MYLK4: variants seen among roughly 807,000 people sequenced by gnomAD.
The protein encoded by MYLK4 is myosin light chain kinase family member 4.
Under a neutral mutation model 48.1 loss-of-function variants are expected in MYLK4, and 46 were observed. The observed-to-expected ratio is 0.96, with a 90% CI of 0.75 to 1.22. MYLK4 has a LOEUF of 1.22. MYLK4 is among the 50% of genes most tolerant of loss of function. MYLK4 has a pLI of 0.00. For missense variants in MYLK4, 451 were observed against 486.1 expected, an observed-to-expected ratio of 0.93 and a Z score of 0.68; for synonymous variants, 170 against 180.8, an observed-to-expected ratio of 0.94 and a Z score of 0.48.
At chr6:2,690,954 G>C (rs996488908) in intron 3 of MYLK4, among the ~76,000 whole-genome samples, 17 of 150,442 alleles carry the variant, frequency 1.1e-4, no homozygotes, top group Non-Finnish European at 2.2e-4. Context: ...TCAGCCTCCC[G>C]AGTAGCTGGG....
At chr6:2,714,929 T>C (rs1762812699) in intron 2 of MYLK4, among the ~76,000 whole-genome samples, 1 of 152,162 alleles carries the variant, frequency 6.6e-6, no homozygotes. Context: ...GAACAGTGGT[T>C]GCCAGGGGCT....
At chr6:2,762,972 T>TA in the MYLK4 span, among the ~76,000 whole-genome samples, 1 of 151,952 alleles carries the variant, frequency 6.6e-6, no homozygotes, top group Non-Finnish European at 1.5e-5. Flanking sequence ...ATGCAAAAAA[T>TA]AAAAGAACAA....
intron 2 of MYLK4, among the ~76,000 whole-genome samples, chr6:2,719,380 G>A (rs561940088): frequency 3.3e-5 from 5 of 152,250 alleles, no homozygotes; most frequent in African/African-American, 7.2e-5. Flanking sequence ...CCCAACACAT[G>A]CACACAAACA....
intron 2 of MYLK4, among the ~76,000 whole-genome samples, chr6:2,728,020 G>A (rs1171855474): frequency 3.3e-5 from 5 of 151,380 alleles, no homozygotes; most frequent in African/African-American, 1.2e-4. Flanking sequence ...CTTATTTAAT[G>A]CTCACCTCAA....
At chr6:2,684,107 T>C (rs966710) in intron 6 of MYLK4, among the ~76,000 whole-genome samples, 50,844 of 152,070 alleles carry the variant, frequency 0.33, 8,676 homozygotes, top group East Asian at 0.48. Flanking sequence ...AGAACAATTA[T>C]AACAACACGC....
chr6:2,760,596 C>T, the MYLK4 span, among the ~76,000 whole-genome samples: 1 of 152,254 alleles, frequency 6.6e-6, no homozygotes, highest in South Asian at 2.1e-4. Context: ...GGAAATCCCA[C>T]GGGATTCTGA....
chr6:2,667,828 A>AG lies in MYLK4; in HGVS notation c.*96dup, dbSNP rs1377673189. 2.6e-5 allele frequency: 4 copies of AG among 152,658 alleles called. No individual in the cohort carries two copies. The highest frequency in any genetic ancestry group is 9.6e-5 in the African/African-American group (4 of 41,464). 9.5% of individuals were successfully genotyped at this position (152,658 alleles called of 1,614,324 possible). ...CCTGCTAAGACTACCAGGTCATCACAGGGGTCAAGGCATCAGAACTGCTGA... is the reference window on the plus strand; with the variant it reads ...CCTGCTAAGACTACCAGGTCATCACAGGGGGTCAAGGCATCAGAACTGCTGA... On this transcript the variant is annotated 3_prime_UTR_variant, in exon 13 of 13. Coordinates refer to ENST00000274643, the MANE Select transcript of MYLK4 (RefSeq NM_001012418.5).
the MYLK4 span, chr6:2,766,222 C>T: frequency 4.0e-6 from 6 of 1,490,018 alleles, no homozygotes; most frequent in Non-Finnish European, 5.4e-6. Flanking sequence ...CCACCGCCTT[C>T]GGGGCCAGTG....
rs530354144 is a variant in MYLK4 at position 2,693,209 on chromosome 6, G to A, written c.160-350C>T. Among the ~76,000 whole-genome samples, 165 of 152,326 alleles carry A rather than the reference G, an allele frequency of 1.1e-3. 1 individual carries two copies. The highest frequency in any genetic ancestry group is 3.7e-3 in the African/African-American group (155 of 41,556). On this transcript the variant is annotated intron_variant, in intron 2 of 12. Transcript: ENST00000274643. Reference sequence around the variant, plus strand: ...TTAATGAAAGCCTGTATAGACTACAGTATCTGAAATGAGCTCACTATTTTC... The same window carrying A: ...TTAATGAAAGCCTGTATAGACTACAATATCTGAAATGAGCTCACTATTTTC...
At chr6:2,720,945 G>C (rs1243490635) in intron 2 of MYLK4, among the ~76,000 whole-genome samples, 1 of 151,996 alleles carries the variant, frequency 6.6e-6, no homozygotes, top group African/African-American at 2.4e-5. Flanking sequence ...GGTGGATCAC[G>C]AGGTCAGGAG....
the MYLK4 span, among the ~76,000 whole-genome samples, chr6:2,762,339 AG>A: frequency 6.6e-6 from 1 of 152,230 alleles, no homozygotes; most frequent in African/African-American, 2.4e-5. Context: ...ACACGTCCTA[AG>A]AGACTTAAGG....
chr6:2,726,605 ATTTTTTTT>A (rs70995390), intron 2 of MYLK4, among the ~76,000 whole-genome samples: 4 of 118,280 alleles, frequency 3.4e-5, no homozygotes, highest in Non-Finnish European at 5.3e-5. Flanking sequence ...CTACTATACA[ATTTTTTTT>A]TTTTTTTTTT....
intron 2 of MYLK4, among the ~76,000 whole-genome samples, chr6:2,709,698 C>T (rs17135530): frequency 0.033 from 5,050 of 152,288 alleles, 214 homozygotes; most frequent in East Asian, 0.24. Flanking sequence ...GAACAATTGC[C>T]CTAGGGTTAG....
At chr6:2,760,701 C>T in the MYLK4 span, among the ~76,000 whole-genome samples, 2 of 151,938 alleles carry the variant, frequency 1.3e-5, no homozygotes, top group African/African-American at 4.8e-5. Context: ...TAAGAGTTCA[C>T]AAAAAGGCCA....
chr6:2,715,060 T>G (rs2113264600), intron 2 of MYLK4, among the ~76,000 whole-genome samples: 1 of 151,754 alleles, frequency 6.6e-6, no homozygotes, highest in African/African-American at 2.4e-5. Flanking sequence ...AGGTCAGGAG[T>G]TCTAGACCAG....
At chr6:2,766,454 G>T in the MYLK4 span, 7 of 1,518,694 alleles carry the variant, frequency 4.6e-6, no homozygotes, top group Non-Finnish European at 6.2e-6. Context: ...GGTGAGTGCG[G>T]CCTTGGCCGT....
intron 2 of MYLK4, among the ~76,000 whole-genome samples, chr6:2,724,253 G>T (rs535489150): frequency 1.3e-5 from 2 of 152,160 alleles, no homozygotes; most frequent in Non-Finnish European, 1.5e-5. Flanking sequence ...TACACATAGA[G>T]GACTTTCCAG....
intron 12 of MYLK4, among the ~76,000 whole-genome samples, chr6:2,671,016 T>G (rs896665471): frequency 6.6e-6 from 1 of 152,052 alleles, no homozygotes; most frequent in Non-Finnish European, 1.5e-5. Flanking sequence ...CTCGGGGCTT[T>G]GCTTGAATGA....
chr6:2,676,034 T>C (rs539042006), intron 10 of MYLK4, among the ~76,000 whole-genome samples: 40 of 150,744 alleles, frequency 2.7e-4, no homozygotes, highest in Non-Finnish European at 4.3e-4. Flanking sequence ...GGAGGTTGCA[T>C]TGAGCCAAGA....
Sources: gnomAD v4.1 joint callset for allele counts (sites outside exome capture counted in the v4.1 genomes callset) on GRCh38, gnomAD v4.1.1 for gene constraint, MANE v1.5 for transcripts, NCBI Gene and HGNC (gene_info 2026-07-23, HGNC 2026-07-21) for gene names.